The following TMEM87B variants were observed in gnomAD, a reference collection of about 807,000 sequenced individuals.
TMEM87B encodes the protein transmembrane protein 87B.
A neutral mutation model predicts 80.3 loss-of-function variants in TMEM87B; 83 were observed. That is an observed-to-expected ratio of 1.03 (90% CI 0.87 to 1.24). The LOEUF is 1.24. Ranked by LOEUF, TMEM87B falls within the 50% of genes most tolerant of loss-of-function variation. The probability of loss-of-function intolerance (pLI) is 0.00; values close to 1 mark genes in which losing one functional copy is unlikely to be tolerated. For synonymous variants in TMEM87B, 219 were observed against 230.5 expected, an observed-to-expected ratio of 0.95 and a Z score of 0.45; for missense variants, 625 against 674.4, an observed-to-expected ratio of 0.93 and a Z score of 0.81.
intron 15 of TMEM87B, among the ~76,000 whole-genome samples, chr2:112,105,152 C>T (rs534003362): frequency 6.6e-6 from 1 of 152,268 alleles, no homozygotes; most frequent in African/African-American, 2.4e-5. Flanking sequence ...TACACACACA[C>T]ACGCTTCAGT....
chr2:112,078,744 G>A lies in TMEM87B; in HGVS notation c.592+1462G>A, dbSNP rs910654859. On this transcript the variant is annotated intron_variant, in intron 6 of 18. Coordinates refer to ENST00000283206, the MANE Select transcript of TMEM87B (RefSeq NM_032824.3). ...GCCCTGCATGTTTTGCACTGTACTC[G>A]GCACATGGTTTATTATTGCTATCTC... 9.9e-5 allele frequency among the ~76,000 whole-genome samples: 15 copies of A among 152,210 alleles called. No individual in the cohort carries two copies. In the East Asian group the frequency reaches 1.2e-3, roughly 12 times the overall value.
chr2:112,068,065 T>G (rs1454873859), intron 4 of TMEM87B, among the ~76,000 whole-genome samples: 1 of 151,932 alleles, frequency 6.6e-6, no homozygotes, highest in Non-Finnish European at 1.5e-5. Context: ...ATACAAAAAA[T>G]TAGCTGGGTG....
At chr2:112,070,868 C>G (rs541392386) in intron 4 of TMEM87B, among the ~76,000 whole-genome samples, 8 of 150,588 alleles carry the variant, frequency 5.3e-5, no homozygotes, top group African/African-American at 1.7e-4. Flanking sequence ...GTCACCCAGG[C>G]TGGAGTGTAG....
chr2:112,069,198 CA>C (rs1280554360), intron 4 of TMEM87B, among the ~76,000 whole-genome samples: 364 of 62,376 alleles, frequency 5.8e-3, no homozygotes, highest in African/African-American at 0.016. Context: ...GACTCCGTCT[CA>C]AAAAAAAAAA....
rs1679952962 is a variant in TMEM87B, at chr2:112,112,784, T to C, written c.1578-115T>C. The stretch of plus-strand genomic sequence containing the variant: ...CCTAGATGCTCCCTTCTGTCACCTG[T>C]GGATACCCAGGAGTGAGAATTAGTG... On this transcript the variant is annotated intron_variant, in intron 17 of 18. Coordinates refer to ENST00000283206, the MANE Select transcript of TMEM87B (RefSeq NM_032824.3). The C allele has an allele frequency of 5.2e-6, 5 of 953,676 alleles. No individual in the cohort carries two copies. In the South Asian group the frequency reaches 6.0e-5, roughly 11 times the overall value. 59.1% of individuals were successfully genotyped at this position (953,676 alleles called of 1,614,324 possible). A position where few individuals can be genotyped will look rare whatever the true frequency, so the allele number is the denominator to read the frequency against.
At position 112,055,572 on chromosome 2, in the gene TMEM87B, G is replaced by C. The variant is rs1332051935; in HGVS notation, c.-20G>C. 6.7e-7 allele frequency: 1 copy of C among 1,488,528 alleles called. No homozygotes were observed. Among genetic ancestry groups the C allele is most frequent in the Non-Finnish European group, 8.9e-7 (1 of 1,122,906 alleles). The allele number at this position is 1,488,528 out of a possible 1,614,324, so 92.2% of individuals were successfully genotyped here. A position where few individuals can be genotyped will look rare whatever the true frequency, so the allele number is the denominator to read the frequency against. On this transcript the variant is annotated 5_prime_UTR_variant, in exon 1 of 19. Transcript: ENST00000283206. ...GTGTGGCAGGCGTCTCGGAGCGCCA[G>C]GTGCAGCTTCCTGGTCAAGATGGTC...
intron 8 of TMEM87B, among the ~76,000 whole-genome samples, chr2:112,082,252 A>G (rs950940293): frequency 3.3e-5 from 5 of 152,154 alleles, no homozygotes; most frequent in South Asian, 2.1e-4. Flanking sequence ...TTCAAAGGGC[A>G]TGATTTTGTC....
rs1680044223 is a variant in TMEM87B at position 112,117,050 on chromosome 2, T to C, written c.*907T>C. The C allele has an allele frequency of 6.6e-6, 1 of 152,364 alleles. No homozygotes were observed. Among genetic ancestry groups the C allele is most frequent in the Admixed American group, 6.5e-5 (1 of 15,286 alleles). 9.4% of individuals were successfully genotyped at this position (152,364 alleles called of 1,614,324 possible). On this transcript the variant is annotated 3_prime_UTR_variant, in exon 19 of 19. Coordinates refer to ENST00000283206, the MANE Select transcript of TMEM87B (RefSeq NM_032824.3). ...TAATAAAAACATACATTTAGTTGCA[T>C]GCTACATCACTATTGATTTTATAAT...
At chr2:112,072,274 A>T (rs944182385) in intron 4 of TMEM87B, among the ~76,000 whole-genome samples, 3 of 152,204 alleles carry the variant, frequency 2.0e-5, no homozygotes, top group African/African-American at 7.2e-5. Context: ...TTTTGGTATC[A>T]GAATAATGCT....
chr2:112,056,165 G>C (rs1678051959), intron 1 of TMEM87B, among the ~76,000 whole-genome samples: 1 of 152,098 alleles, frequency 6.6e-6, no homozygotes, highest in Non-Finnish European at 1.5e-5. Context: ...TGAGGCCGCA[G>C]GGAGGACTTG....
chr2:112,106,341 C>G (rs751514327), intron 16 of TMEM87B, among the ~76,000 whole-genome samples: 12 of 152,142 alleles, frequency 7.9e-5, no homozygotes, highest in Non-Finnish European at 1.5e-4. Flanking sequence ...GTTAGAGATG[C>G]AGAGTCTCAG....
chr2:112,079,125 C>T (rs1046320917), intron 6 of TMEM87B, among the ~76,000 whole-genome samples: 1 of 152,154 alleles, frequency 6.6e-6, no homozygotes, highest in South Asian at 2.1e-4. Context: ...GTGGTGAGAA[C>T]ATTTGAAATG....
chr2:112,086,102 GAAGT>G lies in TMEM87B; in HGVS notation c.938+4_938+7del, dbSNP rs756553485. 1 of 1,613,862 alleles carries G rather than the reference GAAGT, an allele frequency of 6.2e-7. No individual in the cohort carries two copies. The highest frequency in any genetic ancestry group is 2.2e-5 in the East Asian group (1 of 44,884). On this transcript the variant is annotated splice_donor_variant and coding_sequence_variant, in exon 9 of 19. Coordinates refer to ENST00000283206, the MANE Select transcript of TMEM87B (RefSeq NM_032824.3). LOFTEE classifies it high-confidence loss of function. ...TTGTGAGCCTGGGCTATGGCATTGT[GAAGT>G]AAGTACTGGCGTGTGGGAAAAATGC...
chr2:112,109,085 A>G (rs1353855725), intron 17 of TMEM87B, among the ~76,000 whole-genome samples: 2 of 152,216 alleles, frequency 1.3e-5, no homozygotes, highest in African/African-American at 2.4e-5. Flanking sequence ...TGTTAAATAT[A>G]TTTAACTATG....
intron 8 of TMEM87B, among the ~76,000 whole-genome samples, chr2:112,081,888 TCTC>T (rs774342109): frequency 1.3e-5 from 2 of 152,090 alleles, no homozygotes; most frequent in Non-Finnish European, 2.9e-5. Flanking sequence ...TCTTTCTCCT[TCTC>T]CTTCAAAAAA....
Position 112,057,827 on chromosome 2 carries a change from CTT to C in TMEM87B, c.165+2087_165+2088del, listed in dbSNP as rs35341806. Among the ~76,000 whole-genome samples the C allele has an allele frequency of 4.6e-3, 628 of 137,744 alleles. 3 individuals are homozygous for C. The highest frequency in any genetic ancestry group is 0.014 in the African/African-American group (521 of 36,880). 90.4% of individuals were successfully genotyped at this position (137,744 alleles called of 152,430 possible). On this transcript the variant is annotated intron_variant, in intron 1 of 18. Transcript: ENST00000283206. ...TCCTGGAGGAGAGACCTGCCTCAGT[CTT>C]TTTTTTTTTTTTTTTGAGACGAAGT...
At position 112,112,903 on chromosome 2, in the gene TMEM87B, C is replaced by T; in HGVS notation, c.1582C>T (p.Leu528Phe). 1 of 1,613,006 alleles carries T rather than the reference C, an allele frequency of 6.2e-7. No individual in the cohort carries two copies. Among genetic ancestry groups the T allele is most frequent in the Admixed American group, 1.7e-5 (1 of 59,870 alleles). ...TTTTTTTCCCTTTTATTTCAGAGCT[C>T]TTCCAGTGTTAGTGGATTCAGATGA... The part of the protein sequence containing the change: ...NIPSSFTDVA[L>F]PVLVDSDEEI... The change falls in exon 18 of 19, where the codon CTT becomes TTT. Residue 528 changes from leucine to phenylalanine, a missense_variant. Leu to Phe is a conservative substitution (Grantham distance 22). Transcript: ENST00000283206.
chr2:112,088,787 G>A (rs1679220842), intron 9 of TMEM87B, among the ~76,000 whole-genome samples: 1 of 152,024 alleles, frequency 6.6e-6, no homozygotes, highest in Non-Finnish European at 1.5e-5. Context: ...GGAGACAAAA[G>A]TCTCACTCTC....
rs1679440533 is a variant in TMEM87B, at chr2:112,095,485, T to G, written c.1105-1559T>G. The G allele has an allele frequency of 5.2e-6, 5 of 968,608 alleles. No homozygotes were observed. In the South Asian group the frequency reaches 1.9e-4, roughly 37 times the overall value. The allele number at this position is 968,608 out of a possible 1,614,324, so 60.0% of individuals were successfully genotyped here. ...TATTCCTTAGCTTAAAAACATTTTTTTAAAATTATTAAACCAGACCAGATT... is the reference window on the plus strand; with the variant it reads ...TATTCCTTAGCTTAAAAACATTTTTGTAAAATTATTAAACCAGACCAGATT... On this transcript the variant is annotated intron_variant, in intron 11 of 18. Coordinates refer to ENST00000283206, the MANE Select transcript of TMEM87B (RefSeq NM_032824.3).
Sources: allele counts gnomAD v4.1 joint callset (sites outside exome capture counted in the v4.1 genomes callset), GRCh38; gene constraint gnomAD v4.1.1; transcripts MANE v1.5; gene names NCBI Gene and HGNC (gene_info 2026-07-23, HGNC 2026-07-21).